PTPRN2: variants seen among roughly 807,000 people sequenced by gnomAD.
PTPRN2 encodes the protein protein tyrosine phosphatase receptor type N2, also known as receptor-type tyrosine-protein phosphatase N2.
A neutral mutation model predicts 118.8 loss-of-function variants in PTPRN2; 74 were observed. The observed-to-expected ratio is 0.62, with a 90% confidence interval of 0.52 to 0.76. The LOEUF (loss-of-function observed/expected upper bound fraction) is 0.76, where lower values mean the gene tolerates loss of function less well. Among genes scored for constraint, PTPRN2 ranks in the 30% least tolerant of loss-of-function variants. The pLI is 0.00. For missense variants in PTPRN2, 1,481 were observed against 1,394.4 expected, an observed-to-expected ratio of 1.06 and a Z score of -0.99; for synonymous variants, 641 against 608.0, an observed-to-expected ratio of 1.05 and a Z score of -0.80.
chr7:158,159,855 C>A (rs945864452), intron 6 of PTPRN2, among the ~76,000 whole-genome samples: 2 of 152,228 alleles, frequency 1.3e-5, no homozygotes, highest in African/African-American at 2.4e-5. Flanking sequence ...ATAAATATTA[C>A]ATGCTCATGG....
At chr7:158,448,058 A>C (rs1010555473) in intron 2 of PTPRN2, among the ~76,000 whole-genome samples, 1 of 152,176 alleles carries the variant, frequency 6.6e-6, no homozygotes, top group Non-Finnish European at 1.5e-5. Flanking sequence ...GGGTGAAGCC[A>C]AGCCCAGCAT....
At chr7:157,954,840 T>C (rs1283860394) in intron 11 of PTPRN2, among the ~76,000 whole-genome samples, 1 of 152,200 alleles carries the variant, frequency 6.6e-6, no homozygotes, top group African/African-American at 2.4e-5. Context: ...GGTGTTTAAG[T>C]ATCTCATATG....
intron 11 of PTPRN2, among the ~76,000 whole-genome samples, chr7:157,948,025 A>C (rs919871789): frequency 1.3e-5 from 2 of 152,258 alleles, no homozygotes; most frequent in Non-Finnish European, 1.5e-5. Flanking sequence ...GGAGTTTGTC[A>C]CTAGTAGACA....
At chr7:158,149,279 C>G (rs537174061) in intron 6 of PTPRN2, among the ~76,000 whole-genome samples, 1 of 152,276 alleles carries the variant, frequency 6.6e-6, no homozygotes, top group South Asian at 2.1e-4. Flanking sequence ...CAAAAGACCT[C>G]CAAACTTTTA....
At chr7:158,278,695 T>C (rs1435627288) in intron 3 of PTPRN2, among the ~76,000 whole-genome samples, 1 of 152,208 alleles carries the variant, frequency 6.6e-6, no homozygotes, top group Non-Finnish European at 1.5e-5. Context: ...AGATGGTGTG[T>C]CCAGAGTTTG....
At chr7:157,680,001 T>C (rs1006856991) in intron 13 of PTPRN2, among the ~76,000 whole-genome samples, 1 of 152,228 alleles carries the variant, frequency 6.6e-6, no homozygotes, top group African/African-American at 2.4e-5. Context: ...CTGACCTTCC[T>C]TTCCCCAGGT....
At chr7:158,527,228 C>A (rs1224177930) in intron 1 of PTPRN2, among the ~76,000 whole-genome samples, 1 of 151,976 alleles carries the variant, frequency 6.6e-6, no homozygotes, top group Non-Finnish European at 1.5e-5. Flanking sequence ...CCACCCCACA[C>A]CCAGCTTCTC....
intron 13 of PTPRN2, among the ~76,000 whole-genome samples, chr7:157,661,502 G>T (rs1010597705): frequency 6.6e-6 from 1 of 152,216 alleles, no homozygotes; most frequent in African/African-American, 2.4e-5. Flanking sequence ...GCGCTGCTCC[G>T]CTCTGAACCC....
intron 3 of PTPRN2, among the ~76,000 whole-genome samples, chr7:158,276,239 C>CTGG (rs1157510265): frequency 9.7e-4 from 38 of 39,252 alleles, no homozygotes; most frequent in African/African-American, 2.2e-3. Context: ...ACCCCCACAT[C>CTGG]CCGGTCCTGG....
intron 11 of PTPRN2, among the ~76,000 whole-genome samples, chr7:157,981,283 G>A (rs10949677): frequency 2.0e-5 from 3 of 151,384 alleles, no homozygotes; most frequent in African/African-American, 7.3e-5. Context: ...CATGGAGAAG[G>A]CTTCCATAGT....
At chr7:157,774,196 A>G (rs1020747521) in intron 12 of PTPRN2, among the ~76,000 whole-genome samples, 10 of 152,244 alleles carry the variant, frequency 6.6e-5, no homozygotes, top group African/African-American at 2.2e-4. Flanking sequence ...AAAACAGACA[A>G]TCTATTTTTT....
chr7:157,609,248 T>C lies in PTPRN2; in HGVS notation c.2345-5173A>G, dbSNP rs1290773203. Among the ~76,000 whole-genome samples the C allele has an allele frequency of 3.3e-5, 5 of 151,994 alleles. No homozygotes were observed. Among genetic ancestry groups the C allele is most frequent in the African/African-American group, 1.2e-4 (5 of 41,356 alleles). ...AAATACAAAAATTAGCCAGGCGTGG[T>C]GGTGGGCGGCTGTAATCCCAGCTAC... On this transcript the variant is annotated intron_variant, in intron 15 of 22. Transcript: ENST00000389418. The surrounding 1 kb of genome is among the most constrained non-coding windows in gnomAD (Gnocchi z 4.9).
chr7:158,131,849 A>C (rs376919228), intron 9 of PTPRN2, among the ~76,000 whole-genome samples: 16 of 151,784 alleles, frequency 1.1e-4, no homozygotes, highest in African/African-American at 3.9e-4. Context: ...ACACACACAC[A>C]CACAAATACC....
intron 2 of PTPRN2, among the ~76,000 whole-genome samples, chr7:158,334,684 C>A (rs1450998584): frequency 2.8e-5 from 2 of 71,570 alleles, no homozygotes; most frequent in Non-Finnish European, 6.1e-5. Context: ...CACTCACACC[C>A]ACACTCTCAC....
chr7:157,805,297 G>C (rs946980925), intron 12 of PTPRN2, among the ~76,000 whole-genome samples: 3 of 151,016 alleles, frequency 2.0e-5, no homozygotes, highest in Non-Finnish European at 4.4e-5. Context: ...TCCTGTGTGT[G>C]TGTGTGTGTG....
At position 157,598,445 on chromosome 7, in the gene PTPRN2, G is replaced by T. The variant is rs1251122311; in HGVS notation, c.2419-3130C>A. 1.3e-5 allele frequency among the ~76,000 whole-genome samples: 2 copies of T among 150,804 alleles called. No homozygotes were observed. The highest frequency in any genetic ancestry group is 3.0e-5 in the Non-Finnish European group (2 of 67,788). ...TGGACGTCGGCGTCTCCGGGCCTCAGTCTCCATATCTGTATGGTGGGTGAG... is the reference window on the plus strand; with the variant it reads ...TGGACGTCGGCGTCTCCGGGCCTCATTCTCCATATCTGTATGGTGGGTGAG... On this transcript the variant is annotated intron_variant, in intron 16 of 22. Transcript: ENST00000389418. This position sits in a 1 kb window ranked among gnomAD's most constrained non-coding sequence, Gnocchi z 5.2.
Position 158,113,568 on chromosome 7 carries a change from G to C in PTPRN2, c.1557-2653C>G, listed in dbSNP as rs534992712. On this transcript the variant is annotated intron_variant, in intron 9 of 22. Coordinates refer to ENST00000389418, the MANE Select transcript of PTPRN2 (RefSeq NM_002847.5). ...TGACTTACACTCAGGGACCCCTTGG[G>C]GAGAGGACCTCAGCAGGGCCTGCAG... Among the ~76,000 whole-genome samples, 3 of 152,236 alleles carry C rather than the reference G, an allele frequency of 2.0e-5. No homozygotes were observed. The East Asian group carries it at 5.8e-4, about 30-fold the overall frequency.
chr7:157,718,440 G>A (rs1799040037), intron 12 of PTPRN2, among the ~76,000 whole-genome samples: 1 of 152,200 alleles, frequency 6.6e-6, no homozygotes, highest in Non-Finnish European at 1.5e-5. Context: ...GGCTTCACAG[G>A]GCGTGTTTGG....
chr7:158,308,304 CA>C (rs1230467755), intron 3 of PTPRN2, among the ~76,000 whole-genome samples: 1 of 152,080 alleles, frequency 6.6e-6, no homozygotes, highest in African/African-American at 2.4e-5. Flanking sequence ...AAACAAAAAA[CA>C]AAGAGAATTT....
Sources: allele counts gnomAD v4.1 joint callset (sites outside exome capture counted in the v4.1 genomes callset), GRCh38; gene constraint gnomAD v4.1.1; non-coding constraint Gnocchi (gnomAD v3.1); transcripts MANE v1.5; gene names NCBI Gene and HGNC (gene_info 2026-07-23, HGNC 2026-07-21).